Variants in NTRK2 observed in about 807,000 individuals in gnomAD.
NTRK2 encodes neurotrophic receptor tyrosine kinase 2.
NTRK2 carries 13 observed loss-of-function variants against 94.5 expected under a neutral mutation model. That is an observed-to-expected ratio of 0.14 (90% CI 0.09 to 0.22). The LOEUF (loss-of-function observed/expected upper bound fraction) is 0.22, where lower values mean the gene tolerates loss of function less well. Among genes scored for constraint, NTRK2 ranks in the 10% least tolerant of loss-of-function variants. The pLI is 1.00. For synonymous variants in NTRK2, 372 were observed against 407.4 expected (o/e 0.91, Z 1.05); for missense variants, 639 against 1,071.2 (o/e 0.60, Z 5.63).
rs12555019 is a variant in NTRK2 at position 84,781,512 on chromosome 9, T to C, written c.1396+29427T>C. ...AAGACCTAGCCTTTTTTGCTTCCCG[T>C]TGAAAATGTGAATTTTGAGATTAAT... On this transcript the variant is annotated intron_variant, in intron 12 of 18. Coordinates refer to ENST00000277120, the MANE Select transcript of NTRK2 (RefSeq NM_006180.6). Among the ~76,000 whole-genome samples, 1,223 of 152,322 alleles carry C rather than the reference T, an allele frequency of 8.0e-3. 20 individuals carry two copies. Among genetic ancestry groups the C allele is most frequent in the East Asian group, 0.044 (226 of 5,188 alleles).
intron 16 of NTRK2, among the ~76,000 whole-genome samples, chr9:84,953,130 C>T (rs1193768055): frequency 1.3e-5 from 2 of 152,196 alleles, no homozygotes; most frequent in Non-Finnish European, 2.9e-5. Context: ...TTTCCCCTGA[C>T]CCCTCAGTGC....
intron 6 of NTRK2, among the ~76,000 whole-genome samples, chr9:84,715,402 C>T (rs978495468): frequency 1.3e-5 from 2 of 152,068 alleles, no homozygotes; most frequent in African/African-American, 4.8e-5. Flanking sequence ...GGCTGGGAAG[C>T]TTAACTGCAT....
chr9:84,810,778 C>A, intron 12 of NTRK2: 1 of 1,429,610 alleles, frequency 7.0e-7, no homozygotes. Flanking sequence ...TGGGGAACAC[C>A]AATGCAGAGG....
At chr9:84,813,326 G>C in intron 12 of NTRK2, 2 of 1,020,866 alleles carry the variant, frequency 2.0e-6, no homozygotes, top group Non-Finnish European at 2.4e-6. Flanking sequence ...GGAGAAACAT[G>C]AAACCTGGAT....
intron 5 of NTRK2, among the ~76,000 whole-genome samples, chr9:84,708,725 C>T (rs997418509): frequency 6.6e-6 from 1 of 152,184 alleles, no homozygotes; most frequent in African/African-American, 2.4e-5. Context: ...TATGAAGATC[C>T]ATCCTTATTC....
At chr9:84,929,316 A>G (rs182947370) in intron 14 of NTRK2, among the ~76,000 whole-genome samples, 1 of 152,302 alleles carries the variant, frequency 6.6e-6, no homozygotes, top group East Asian at 1.9e-4. Context: ...CACTCATGGG[A>G]CAAATGACCA....
In NTRK2 at chr9:84,950,415, T is replaced by A. The variant is rs527883171; in HGVS notation, c.1937+1781T>A. Among the ~76,000 whole-genome samples, 8 of 152,286 alleles carry A rather than the reference T, an allele frequency of 5.3e-5. No individual in the cohort carries two copies. In the East Asian group the frequency reaches 1.5e-3, roughly 29 times the overall value. On this transcript the variant is annotated intron_variant, in intron 16 of 18. Coordinates refer to ENST00000277120, the MANE Select transcript of NTRK2 (RefSeq NM_006180.6). ...TGTGGAAGTGGCAAATACATTATCATGAACCTAAAGAGTAAGAAGTCCCAG... is the reference window on the plus strand; with the variant it reads ...TGTGGAAGTGGCAAATACATTATCAAGAACCTAAAGAGTAAGAAGTCCCAG...
At chr9:84,741,800 T>C (rs1260570520) in intron 9 of NTRK2, 92 bp from the exon 10 acceptor site, 1 of 1,058,516 alleles carries the variant, frequency 9.4e-7, no homozygotes, top group Non-Finnish European at 1.4e-6. Context: ...AAAACTTCAG[T>C]GTATGTCTAG....
intron 14 of NTRK2, among the ~76,000 whole-genome samples, chr9:84,880,302 A>G (rs1369735403): frequency 6.6e-6 from 1 of 152,198 alleles, no homozygotes; most frequent in Non-Finnish European, 1.5e-5. Context: ...CAATGCTGGG[A>G]GGAGTGAGAA....
intron 12 of NTRK2, among the ~76,000 whole-genome samples, chr9:84,783,340 G>A (rs1484397265): frequency 6.6e-6 from 1 of 152,192 alleles, no homozygotes; most frequent in Non-Finnish European, 1.5e-5. Context: ...CTCTAAACAG[G>A]GTTACCCAGC....
chr9:84,899,577 T>C (rs1429634940), intron 14 of NTRK2, among the ~76,000 whole-genome samples: 1 of 152,176 alleles, frequency 6.6e-6, no homozygotes, highest in Non-Finnish European at 1.5e-5. Context: ...AAACCCACAG[T>C]TTGAGTAACA....
rs1003597309 is a variant in NTRK2, at chr9:84,940,353, T to C, written c.1764+6061T>C. 9.2e-5 allele frequency among the ~76,000 whole-genome samples: 14 copies of C among 152,258 alleles called. 1 individual carries two copies. Among genetic ancestry groups the C allele is most frequent in the African/African-American group, 2.9e-4 (12 of 41,542 alleles). On this transcript the variant is annotated intron_variant, in intron 15 of 18. Transcript: ENST00000277120. Reference sequence around the variant, plus strand: ...TGAGGCAGCCCTGGTGACTGTCCCTTCTTTATCATCTCGGCAGGAGACATC... The same window carrying C: ...TGAGGCAGCCCTGGTGACTGTCCCTCCTTTATCATCTCGGCAGGAGACATC...
chr9:84,957,054 C>T (rs1350936117), intron 17 of NTRK2, among the ~76,000 whole-genome samples: 1 of 152,044 alleles, frequency 6.6e-6, no homozygotes, highest in Non-Finnish European at 1.5e-5. Context: ...CTTTACCTAC[C>T]AGAGATGGTC....
intron 7 of NTRK2, among the ~76,000 whole-genome samples, 161 bp downstream of exon 7, chr9:84,723,870 T>G (rs2062246370): frequency 6.6e-6 from 1 of 152,200 alleles, no homozygotes; most frequent in Admixed American, 6.5e-5. Context: ...TATTCTTAAT[T>G]AATAAAGACT....
intron 14 of NTRK2, chr9:84,872,653 A>C: frequency 9.4e-7 from 1 of 1,064,078 alleles, no homozygotes; most frequent in Non-Finnish European, 1.1e-6. Flanking sequence ...ATTTTTAAAA[A>C]TTTTCTCCAG....
At chr9:84,838,690 C>T (rs1052700680) in intron 12 of NTRK2, among the ~76,000 whole-genome samples, 1 of 152,118 alleles carries the variant, frequency 6.6e-6, no homozygotes, top group Non-Finnish European at 1.5e-5. Flanking sequence ...CCTACTATTA[C>T]TTTTCTTCCG....
At chr9:84,992,462 C>T (rs1829210151) in intron 17 of NTRK2, among the ~76,000 whole-genome samples, 1 of 152,058 alleles carries the variant, frequency 6.6e-6, no homozygotes, top group South Asian at 2.1e-4. Flanking sequence ...TACCAGTGCT[C>T]ACTGCTGAAG....
chr9:84,870,815 CAG>C (rs2132104949), intron 14 of NTRK2, among the ~76,000 whole-genome samples: 2 of 152,262 alleles, frequency 1.3e-5, no homozygotes, highest in Admixed American at 1.3e-4. Flanking sequence ...ATGGATCCAA[CAG>C]AGACTTGAGC....
chr9:84,797,653 ATATATAT>A (rs767956060), intron 12 of NTRK2, among the ~76,000 whole-genome samples: 2,866 of 45,044 alleles, frequency 0.064, 248 homozygotes, highest in African/African-American at 0.16. Context: ...CTATAATAAT[ATATATAT>A]TATATATTAT....
Sources: gnomAD v4.1 joint callset for allele counts (sites outside exome capture counted in the v4.1 genomes callset) on GRCh38, gnomAD v4.1.1 for gene constraint, MANE v1.5 for transcripts, NCBI Gene and HGNC (gene_info 2026-07-23, HGNC 2026-07-21) for gene names.